CSTF3: variants seen among roughly 807,000 people sequenced by gnomAD.
CSTF3 encodes CF-1 77 kDa subunit.
In CSTF3, 29 loss-of-function variants were observed where a neutral mutation model predicts 105.8. The ratio of observed to expected loss-of-function variants is 0.27; its 90% CI spans 0.20 to 0.37. CSTF3 has a LOEUF of 0.37. Ranked by LOEUF, CSTF3 falls within the 10% of genes least tolerant of loss-of-function variation. CSTF3 has a pLI of 1.00. For synonymous variants in CSTF3, 252 were observed against 281.9 expected (o/e 0.89, Z 1.06); for missense variants, 357 against 879.3 (o/e 0.41, Z 7.51).
chr11:33,131,765 T>C (rs1248319982), intron 3 of CSTF3, among the ~76,000 whole-genome samples: 2 of 151,898 alleles, frequency 1.3e-5, no homozygotes, highest in East Asian at 3.9e-4. Context: ...GGCAGGAGAA[T>C]GGCGTGAACC....
Position 33,110,980 on chromosome 11 carries a change from C to T in CSTF3, c.226-2562G>A, listed in dbSNP as rs1277882301. ...GCATGGTGGCTCACGCCTGTAATCC[C>T]AGCACTTTGGGAGGCCAAGGTGGGC... On this transcript the variant is annotated intron_variant, in intron 3 of 20. Coordinates refer to ENST00000323959, the MANE Select transcript of CSTF3 (RefSeq NM_001326.3). 2.0e-5 allele frequency among the ~76,000 whole-genome samples: 3 copies of T among 152,144 alleles called. No homozygotes were observed. In the South Asian group the frequency reaches 6.2e-4, roughly 31 times the overall value.
intron 3 of CSTF3, among the ~76,000 whole-genome samples, chr11:33,129,761 C>A (rs972448563): frequency 6.6e-6 from 1 of 152,184 alleles, no homozygotes; most frequent in Non-Finnish European, 1.5e-5. Context: ...TCTTCTTACC[C>A]ATAAAAGTAT....
chr11:33,147,629 A>C (rs1855801673), intron 1 of CSTF3, among the ~76,000 whole-genome samples: 1 of 152,082 alleles, frequency 6.6e-6, no homozygotes, highest in Admixed American at 6.6e-5. Context: ...TGAGATACCG[A>C]CTATAAAATG....
Position 33,102,308 on chromosome 11 carries a change from C to T in CSTF3, c.695G>A (p.Arg232His). The T allele has an allele frequency of 1.2e-6, 2 of 1,613,952 alleles. No homozygotes were observed. Among genetic ancestry groups the T allele is most frequent in the Non-Finnish European group, 1.7e-6 (2 of 1,179,906 alleles). The part of the protein sequence containing the change: ...EYETVMKGLD[R>H]NAPSVPPQNT... Reference sequence around the variant, plus strand: ...CTGAGGAGGCACCGAGGGAGCATTACGGTCCAAGCCTTTCATTACTGTCTC... The same window carrying T: ...CTGAGGAGGCACCGAGGGAGCATTATGGTCCAAGCCTTTCATTACTGTCTC... Residue 232 changes from arginine to histidine, a missense_variant, in exon 10 of 21, where the codon CGT becomes CAT. By Grantham distance (29) the Arg-to-His change is conservative (BLOSUM62 0). Coordinates refer to ENST00000323959, the MANE Select transcript of CSTF3 (RefSeq NM_001326.3).
intron 7 of CSTF3, 86 bp from the exon 8 acceptor site, chr11:33,105,779 A>G (rs1052222868): frequency 6.5e-7 from 1 of 1,531,830 alleles, no homozygotes; most frequent in African/African-American, 1.4e-5. Context: ...ATCTACCCAA[A>G]GAACAACTCT....
chr11:33,144,913 T>C, intron 1 of CSTF3: 1 of 236,746 alleles, frequency 4.2e-6, no homozygotes, highest in Non-Finnish European at 8.7e-6. Flanking sequence ...GAGGGAGAAG[T>C]TGCAGGGAAC....
intron 20 of CSTF3, among the ~76,000 whole-genome samples, 157 bp downstream of exon 20, chr11:33,085,556 T>C (rs10767987): frequency 0.71 from 107,318 of 152,112 alleles, 38,041 homozygotes; most frequent in Non-Finnish European, 0.72. Context: ...GAATAAGCCT[T>C]TCTCTGCCAA....
Position 33,161,345 on chromosome 11 carries a change from G to C in CSTF3, c.-20C>G. The C allele has an allele frequency of 6.2e-7, 1 of 1,612,070 alleles. No homozygotes were observed. The highest frequency in any genetic ancestry group is 8.5e-7 in the Non-Finnish European group (1 of 1,179,920). On this transcript the variant is annotated 5_prime_UTR_variant, in exon 1 of 21. Transcript: ENST00000323959. ...TGACATGGCCTCAGCTGATTACAAC[G>C]TGCGCACTGACCGTCGATGGGAAGC...
Position 33,099,522 on chromosome 11 carries a change from C to T in CSTF3, c.936+86G>A, listed in dbSNP as rs1855258518. 2 of 907,788 alleles carry T rather than the reference C, an allele frequency of 2.2e-6. No individual in the cohort carries two copies. Among genetic ancestry groups the T allele is most frequent in the Non-Finnish European group, 1.7e-6 (1 of 593,454 alleles). The allele number at this position is 907,788 out of a possible 1,614,324, so 56.2% of individuals were successfully genotyped here. On this transcript the variant is annotated intron_variant, in intron 11 of 20. Transcript: ENST00000323959. The surrounding 1 kb of genome is among the most constrained non-coding windows in gnomAD (Gnocchi z 4.1). ...AATTTTCAATACTTATGCTTTATTACCAAAATTCAGTTATATTTTTCAGTA... is the reference window on the plus strand; with the variant it reads ...AATTTTCAATACTTATGCTTTATTATCAAAATTCAGTTATATTTTTCAGTA...
chr11:33,161,193 G>A (rs772465458), intron 1 of CSTF3, 106 bp downstream of exon 1: 10 of 1,232,528 alleles, frequency 8.1e-6, no homozygotes, highest in Middle Eastern at 2.0e-4. Flanking sequence ...CTGTCCCCCG[G>A]GTTCACTAGA....
chr11:33,161,241 C>G, intron 1 of CSTF3, 58 bp downstream of exon 1: 1 of 1,600,384 alleles, frequency 6.2e-7, no homozygotes, highest in Non-Finnish European at 8.5e-7. Context: ...CTGGAGCAGT[C>G]GGAGGAACAG....
chr11:33,155,860 G>T (rs111679172), intron 1 of CSTF3, among the ~76,000 whole-genome samples: 1 of 144,500 alleles, frequency 6.9e-6, no homozygotes, highest in African/African-American at 2.9e-5. Context: ...CCAAATCGAA[G>T]ATTTAAAAAA....
intron 1 of CSTF3, among the ~76,000 whole-genome samples, chr11:33,147,060 G>A (rs934250622): frequency 2.0e-5 from 3 of 152,144 alleles, no homozygotes; most frequent in African/African-American, 7.2e-5. Context: ...TAGCTACTAG[G>A]CAGGCGGACT....
Position 33,102,902 on chromosome 11 carries a change from A to T in CSTF3, c.663+205T>A, listed in dbSNP as rs147955570. ...CTTCTGTTTCCATATTTTAAAAAAC[A>T]ATTTCTTCTAAACCCAATTTATTAT... On this transcript the variant is annotated intron_variant, in intron 9 of 20. Coordinates refer to ENST00000323959, the MANE Select transcript of CSTF3 (RefSeq NM_001326.3). Among the ~76,000 whole-genome samples the T allele has an allele frequency of 8.9e-3, 1,360 of 152,338 alleles. 5 individuals carry two copies. The highest frequency in any genetic ancestry group is 0.013 in the Non-Finnish European group (881 of 68,028).
intron 1 of CSTF3, among the ~76,000 whole-genome samples, chr11:33,149,885 G>A (rs1291580343): frequency 6.6e-6 from 1 of 152,196 alleles, no homozygotes; most frequent in Non-Finnish European, 1.5e-5. Flanking sequence ...TGGGCATGGT[G>A]GTACACGCCT....
intron 3 of CSTF3, among the ~76,000 whole-genome samples, chr11:33,130,235 G>C (rs574861849): frequency 6.6e-6 from 1 of 152,154 alleles, no homozygotes; most frequent in Non-Finnish European, 1.5e-5. Context: ...CATTTTCGGA[G>C]GCCTAGGCGG....
chr11:33,157,913 A>G (rs535273470), intron 1 of CSTF3, among the ~76,000 whole-genome samples: 1 of 152,140 alleles, frequency 6.6e-6, no homozygotes, highest in Admixed American at 6.5e-5. Flanking sequence ...CTCATCCATG[A>G]TTTCAGGTTA....
chr11:33,085,260 C>A lies in CSTF3; in HGVS notation c.1981G>T (p.Gly661Cys), dbSNP rs774690642. The A allele has an allele frequency of 1.9e-5, 29 of 1,559,066 alleles. No homozygotes were observed. Among genetic ancestry groups the A allele is most frequent in the Non-Finnish European group, 2.5e-5 (29 of 1,156,778 alleles). The change falls in exon 21 of 21, where the codon GGT becomes TGT. Residue 661 changes from glycine to cysteine, a missense_variant. Transcript: ENST00000323959. ...TVEEAVRIITGGAPELAVEGN... is the reference protein window; with the variant it reads ...TVEEAVRIITCGAPELAVEGN... ...TCTACAGCTAGCTCTGGGGCCCCAC[C>A]AGTAATGATCCTCACAGCTTCCTCA...
chr11:33,088,745 C>T (rs1467908865), intron 17 of CSTF3, among the ~76,000 whole-genome samples: 1 of 151,612 alleles, frequency 6.6e-6, no homozygotes, highest in Non-Finnish European at 1.5e-5. Context: ...TAGCTGGGAC[C>T]ACAGGCAGGC....
Sources: allele counts gnomAD v4.1 joint callset (sites outside exome capture counted in the v4.1 genomes callset), GRCh38; gene constraint gnomAD v4.1.1; non-coding constraint Gnocchi (gnomAD v3.1); transcripts MANE v1.5; gene names NCBI Gene and HGNC (gene_info 2026-07-23, HGNC 2026-07-21).